Variants in RNF216 observed in about 807,000 individuals in gnomAD.
RNF216 encodes the protein E3 ubiquitin-protein ligase RNF216.
Under a neutral mutation model 110.8 loss-of-function variants are expected in RNF216, and 72 were observed. The ratio of observed to expected loss-of-function variants is 0.65; its 90% CI spans 0.54 to 0.79. The LOEUF (loss-of-function observed/expected upper bound fraction) is 0.79, where lower values mean the gene tolerates loss of function less well. RNF216 is among the 30% of genes least tolerant of loss of function. RNF216 has a pLI of 0.00. For missense variants in RNF216, 1,342 were observed against 1,141.2 expected (o/e 1.18, Z -2.54); for synonymous variants, 495 against 407.5 (o/e 1.21, Z -2.59).
In RNF216 at chr7:5,622,863, G is replaced by T. The variant is rs754657972; in HGVS notation, c.2769C>A (p.Phe923Leu). 6.3e-7 allele frequency: 1 copy of T among 1,598,772 alleles called. No homozygotes were observed. The highest frequency in any genetic ancestry group is 8.5e-7 in the Non-Finnish European group (1 of 1,170,274). Residue 923 changes from phenylalanine (F) to leucine (L), a missense_variant, in exon 17 of 17, where the codon TTC becomes TTA. Physicochemically the swap from Phe to Leu is conservative, Grantham distance 22. Coordinates refer to ENST00000389902, the MANE Select transcript of RNF216 (RefSeq NM_207111.4). ...GCTCAATGGGGATTCGGGGCCATCA[G>T]AAGCGATGCCGCGGCTGGGGGCCAA... ...MHFGPQPRHR[F>L] is the part of the protein sequence containing the mutation.
In RNF216 at chr7:5,624,170, G is replaced by C; in HGVS notation, c.2383-45C>G. ...AAGGATGAACCTGTAGCTTCATGCA[G>C]TGCTGAGGCCCCGTGGGACAGTGAG... On this transcript the variant is annotated intron_variant, in intron 15 of 16. Transcript: ENST00000389902. The surrounding 1 kb of genome is among the most constrained non-coding windows in gnomAD (Gnocchi z 4.4). 1 of 1,540,604 alleles carries C rather than the reference G, an allele frequency of 6.5e-7. No homozygotes were observed. The highest frequency in any genetic ancestry group is 8.9e-7 in the Non-Finnish European group (1 of 1,119,280).
chr7:5,661,937 G>T (rs1299412023), intron 13 of RNF216, among the ~76,000 whole-genome samples: 1 of 152,246 alleles, frequency 6.6e-6, no homozygotes, highest in Non-Finnish European at 1.5e-5. Flanking sequence ...GTCCCACTGT[G>T]TGCCCACATG....
In RNF216 at chr7:5,741,396, C is replaced by A. The variant is rs958623853; in HGVS notation, c.621G>T (p.Glu207Asp). 1 of 1,614,094 alleles carries A rather than the reference C, an allele frequency of 6.2e-7. No individual in the cohort carries two copies. Among genetic ancestry groups the A allele is most frequent in the African/African-American group, 1.3e-5 (1 of 74,936 alleles). Residue 207 changes from glutamate to aspartate, a missense_variant, in exon 4 of 17, where the codon GAG becomes GAT. Coordinates refer to ENST00000389902, the MANE Select transcript of RNF216 (RefSeq NM_207111.4). ...CTGACTCTCCTAGATTTGATAACAG[C>A]TCTGTCTCTGAGTCTTCGGATGACT... ...QNQSSEDSET[E>D]LLSNLGESAA...
chr7:5,714,623 G>A (rs560711966), intron 11 of RNF216, among the ~76,000 whole-genome samples: 2 of 152,352 alleles, frequency 1.3e-5, no homozygotes, highest in Non-Finnish European at 2.9e-5. Context: ...AAACTCGGTG[G>A]TGTAAAACAA....
intron 15 of RNF216, among the ~76,000 whole-genome samples, chr7:5,634,808 C>CA (rs1442131891): frequency 6.6e-6 from 1 of 152,206 alleles, no homozygotes; most frequent in African/African-American, 2.4e-5. Context: ...ACCAACAGGC[C>CA]GTGTGTACTG....
chr7:5,747,152 A>C (rs549124427), intron 3 of RNF216, among the ~76,000 whole-genome samples: 14 of 152,332 alleles, frequency 9.2e-5, no homozygotes, highest in African/African-American at 3.4e-4. Context: ...CTGTTTCCTT[A>C]TAAAACAGAA....
rs1319714114 is a variant in RNF216 at position 5,712,758 on chromosome 7, C to T, written c.1939G>A (p.Ala647Thr). Residue 647 changes from alanine to threonine, a missense_variant, in exon 12 of 17, where the codon GCC becomes ACC. Coordinates refer to ENST00000389902, the MANE Select transcript of RNF216 (RefSeq NM_207111.4). ...TAGGCTGCCGCAACCTCCTCCTCGGCTTTTCGCTCATAGTACTTATACAGG... is the reference window on the plus strand; with the variant it reads ...TAGGCTGCCGCAACCTCCTCCTCGGTTTTTCGCTCATAGTACTTATACAGG... The part of the protein sequence containing the change: ...TILYKYYERK[A>T]EEEVAAAYAD... 1 of 1,613,958 alleles carries T rather than the reference C, an allele frequency of 6.2e-7. No homozygotes were observed. The highest frequency in any genetic ancestry group is 8.5e-7 in the Non-Finnish European group (1 of 1,180,020).
Position 5,624,002 on chromosome 7 carries a change from G to A in RNF216, c.2452+54C>T. On this transcript the variant is annotated intron_variant, in intron 16 of 16. Coordinates refer to ENST00000389902, the MANE Select transcript of RNF216 (RefSeq NM_207111.4). The surrounding 1 kb of genome is among the most constrained non-coding windows in gnomAD (Gnocchi z 4.4). ...AGGACACTCAGGGAGGCCAGCAGAA[G>A]CCTGCATGGCCTGGCTGCTGCTCTG... The A allele has an allele frequency of 1.3e-6, 2 of 1,496,152 alleles. No individual in the cohort carries two copies. Among genetic ancestry groups the A allele is most frequent in the Non-Finnish European group, 1.9e-6 (2 of 1,080,630 alleles). 92.7% of individuals were successfully genotyped at this position (1,496,152 alleles called of 1,614,324 possible). A position where few individuals can be genotyped will look rare whatever the true frequency, so the allele number is the denominator to read the frequency against.
In RNF216 at chr7:5,622,858, C is replaced by T; in HGVS notation, c.*2G>A. ...GTGCTGCTCAATGGGGATTCGGGGC[C>T]ATCAGAAGCGATGCCGCGGCTGGGG... On this transcript the variant is annotated 3_prime_UTR_variant, in exon 17 of 17. Coordinates refer to ENST00000389902, the MANE Select transcript of RNF216 (RefSeq NM_207111.4). The T allele has an allele frequency of 6.3e-7, 1 of 1,596,298 alleles. No homozygotes were observed. Among genetic ancestry groups the T allele is most frequent in the Non-Finnish European group, 8.6e-7 (1 of 1,169,214 alleles).
chr7:5,672,030 C>T (rs1055256357), intron 13 of RNF216, among the ~76,000 whole-genome samples: 2 of 152,296 alleles, frequency 1.3e-5, no homozygotes, highest in South Asian at 2.1e-4. Context: ...CTAAGGCAGC[C>T]GAGCTGACCA....
intron 13 of RNF216, among the ~76,000 whole-genome samples, chr7:5,682,683 G>A (rs1272799600): frequency 2.0e-5 from 3 of 152,060 alleles, no homozygotes; most frequent in Non-Finnish European, 2.9e-5. Context: ...CTGGGATATC[G>A]GCGTGAGCCT....
At chr7:5,642,355 AG>A (rs1403864178) in intron 14 of RNF216, among the ~76,000 whole-genome samples, 3 of 151,844 alleles carry the variant, frequency 2.0e-5, no homozygotes, top group African/African-American at 7.3e-5. Flanking sequence ...CTGGGATTAC[AG>A]GCGCCCACCA....
intron 13 of RNF216, chr7:5,662,417 G>A (rs1029059042): frequency 6.6e-6 from 1 of 152,224 alleles, no homozygotes; most frequent in Non-Finnish European, 1.5e-5. Flanking sequence ...ACGCTTACTT[G>A]TAAATACTTG....
intron 13 of RNF216, among the ~76,000 whole-genome samples, chr7:5,682,289 G>A (rs77533950): frequency 0.015 from 2,239 of 152,216 alleles, 48 homozygotes; most frequent in African/African-American, 0.051. Context: ...GAGGCTACTT[G>A]ACCAGGTTAC....
intron 13 of RNF216, among the ~76,000 whole-genome samples, chr7:5,689,399 A>G (rs1791188311): frequency 6.6e-6 from 1 of 151,942 alleles, no homozygotes; most frequent in Non-Finnish European, 1.5e-5. Context: ...AGAAAAGTGA[A>G]AGGCAAAACA....
chr7:5,702,429 T>C (rs965162826), intron 13 of RNF216, among the ~76,000 whole-genome samples: 96 of 152,336 alleles, frequency 6.3e-4, no homozygotes, highest in African/African-American at 2.3e-3. Flanking sequence ...ATAATGCGTA[T>C]GTATTTTTAC....
At chr7:5,698,770 G>A (rs1420171773) in intron 13 of RNF216, among the ~76,000 whole-genome samples, 1 of 152,098 alleles carries the variant, frequency 6.6e-6, no homozygotes, top group Non-Finnish European at 1.5e-5. Context: ...CACTTATATA[G>A]AAGAATCTTG....
rs904894703 is a variant in RNF216, at chr7:5,744,599, T to C, written c.202-2784A>G. ...TTTTGTTTAATTCTATAGAATATAT[T>C]CAAAACCTCAAAGAATACATTGGTT... is the stretch of plus-strand genomic sequence containing the variant. On this transcript the variant is annotated intron_variant, in intron 3 of 16. Transcript: ENST00000389902. 6.6e-5 allele frequency among the ~76,000 whole-genome samples: 10 copies of C among 152,126 alleles called. No homozygotes were observed. The East Asian group carries it at 1.9e-3, about 29-fold the overall frequency.
At chr7:5,689,820 A>G (rs1791215758) in intron 13 of RNF216, among the ~76,000 whole-genome samples, 1 of 151,956 alleles carries the variant, frequency 6.6e-6, no homozygotes, top group Non-Finnish European at 1.5e-5. Context: ...GCTGGGTGTT[A>G]TTCCAGCCAC....
Sources: gnomAD v4.1 joint callset for allele counts (sites outside exome capture counted in the v4.1 genomes callset) on GRCh38, gnomAD v4.1.1 for gene constraint, Gnocchi (gnomAD v3.1) non-coding constraint, MANE v1.5 for transcripts, NCBI Gene and HGNC (gene_info 2026-07-23, HGNC 2026-07-21) for gene names.